COG5: variants seen among roughly 807,000 people sequenced by gnomAD.
COG5 encodes the protein conserved oligomeric Golgi complex subunit 5.
A neutral mutation model predicts 110.4 loss-of-function variants in COG5; 86 were observed. The observed-to-expected ratio is 0.78, with a 90% CI of 0.65 to 0.93. COG5 has a LOEUF of 0.93. Among genes scored for constraint, COG5 ranks in the 40% least tolerant of loss-of-function variants. The probability of loss-of-function intolerance (pLI) is 0.00; values close to 1 mark genes in which losing one functional copy is unlikely to be tolerated. For missense variants in COG5, 1,077 were observed against 987.0 expected (o/e 1.09, Z -1.22); for synonymous variants, 360 against 334.6 (o/e 1.08, Z -0.83).
At position 107,328,465 on chromosome 7, in the gene COG5, T is replaced by C. The variant is rs181244330; in HGVS notation, c.1027-3944A>G. Among the ~76,000 whole-genome samples the C allele has an allele frequency of 4.4e-3, 674 of 152,326 alleles. 4 individuals carry two copies. The highest frequency in any genetic ancestry group is 0.01 in the Middle Eastern group (3 of 294). On this transcript the variant is annotated intron_variant, in intron 10 of 21. Coordinates refer to ENST00000297135, the MANE Select transcript of COG5 (RefSeq NM_006348.5). ...TAAAAAAGAAAGAAATCCTATCATA[T>C]GCTACAATATGAATGAACCTTGAAG...
intron 10 of COG5, among the ~76,000 whole-genome samples, chr7:107,360,035 C>T (rs922649804): frequency 6.6e-5 from 10 of 151,988 alleles, no homozygotes; most frequent in South Asian, 4.2e-4. Flanking sequence ...CTGAGGGCTG[C>T]GCAGATGACA....
intron 6 of COG5, among the ~76,000 whole-genome samples, chr7:107,453,481 T>G (rs148485946): frequency 3.9e-5 from 6 of 152,150 alleles, no homozygotes; most frequent in Non-Finnish European, 8.8e-5. Flanking sequence ...TTTATACTCT[T>G]GTCTCAGCAA....
intron 11 of COG5, among the ~76,000 whole-genome samples, chr7:107,316,119 A>C (rs1383557194): frequency 6.6e-6 from 1 of 152,202 alleles, no homozygotes; most frequent in African/African-American, 2.4e-5. Flanking sequence ...AAAAAATGCA[A>C]ACTACTCTTT....
chr7:107,370,244 C>T (rs576228625), intron 8 of COG5, among the ~76,000 whole-genome samples: 1 of 152,202 alleles, frequency 6.6e-6, no homozygotes, highest in African/African-American at 2.4e-5. Context: ...GCCATTCACT[C>T]TCAGAAACAC....
At chr7:107,406,037 C>T (rs1243994240) in intron 7 of COG5, among the ~76,000 whole-genome samples, 6 of 152,288 alleles carry the variant, frequency 3.9e-5, no homozygotes, top group South Asian at 4.1e-4. Flanking sequence ...TTTGTTACAG[C>T]AACCCAAATG....
At chr7:107,209,525 C>T (rs918530052) in intron 21 of COG5, 3 of 156,032 alleles carry the variant, frequency 1.9e-5, no homozygotes, top group African/African-American at 7.2e-5. Context: ...AGGCATGGGT[C>T]TGGACAAGCT....
intron 5 of COG5, among the ~76,000 whole-genome samples, chr7:107,541,326 G>C: frequency 6.7e-6 from 1 of 149,864 alleles, no homozygotes; most frequent in South Asian, 2.1e-4. Context: ...ACAGAACCCG[G>C]TCTCTACAAA....
In COG5 at chr7:107,226,159, A is replaced by G. The variant is rs143405338; in HGVS notation, c.2168+4456T>C. On this transcript the variant is annotated intron_variant, in intron 19 of 21. Coordinates refer to ENST00000297135, the MANE Select transcript of COG5 (RefSeq NM_006348.5). ...TTTTTCATTTTACCAGATATTAACT[A>G]ATAATATTACTGTTAATGTCTGCAT... Among the ~76,000 whole-genome samples the G allele has an allele frequency of 1.4e-4, 21 of 152,296 alleles. No homozygotes were observed. The East Asian group carries it at 4.1e-3, about 29-fold the overall frequency.
intron 5 of COG5, among the ~76,000 whole-genome samples, chr7:107,542,765 T>A (rs1051903660): frequency 1.3e-5 from 2 of 151,392 alleles, no homozygotes; most frequent in African/African-American, 4.9e-5. Flanking sequence ...AGGTCAGGAG[T>A]TCGAGACCAG....
At chr7:107,206,095 G>A (rs1798759819) in intron 21 of COG5, among the ~76,000 whole-genome samples, 1 of 152,062 alleles carries the variant, frequency 6.6e-6, no homozygotes, top group Non-Finnish European at 1.5e-5. Flanking sequence ...CGAGTAGCTG[G>A]GACTACAGGC....
In COG5 at chr7:107,545,749, C is replaced by T. The variant is rs186040412; in HGVS notation, c.417+2362G>A. ...GAGCAGAGATCAGGCCATTGCACTC[C>T]ACCCTGGGTGAGAGAGTGAGACTCC... On this transcript the variant is annotated intron_variant, in intron 5 of 21. Coordinates refer to ENST00000297135, the MANE Select transcript of COG5 (RefSeq NM_006348.5). Among the ~76,000 whole-genome samples the T allele has an allele frequency of 4.3e-3, 633 of 145,756 alleles. 5 individuals are homozygous for T. The highest frequency in any genetic ancestry group is 0.016 in the African/African-American group (611 of 39,370).
chr7:107,251,834 A>G (rs1802531126), intron 16 of COG5, among the ~76,000 whole-genome samples: 1 of 152,178 alleles, frequency 6.6e-6, no homozygotes, highest in Admixed American at 6.5e-5. Context: ...ATAAACAGAA[A>G]GTATTGAAAC....
rs537943700 is a variant in COG5, at chr7:107,407,841, G to A, written c.669+4661C>T. 2.6e-5 allele frequency among the ~76,000 whole-genome samples: 4 copies of A among 152,154 alleles called. No homozygotes were observed. The East Asian group carries it at 7.7e-4, about 29-fold the overall frequency. On this transcript the variant is annotated intron_variant, in intron 7 of 21. Transcript: ENST00000297135. ...GCTGAACAAACCTGTTATGTTCAGG[G>A]AAACAAGGGACAGCCATAAGTGTCA...
chr7:107,554,035 A>T (rs1488162997), intron 3 of COG5, among the ~76,000 whole-genome samples: 2 of 152,250 alleles, frequency 1.3e-5, no homozygotes, highest in African/African-American at 4.8e-5. Flanking sequence ...CAGTAAAACA[A>T]GGATTTGAAC....
chr7:107,320,303 C>CGA (rs1809146868), intron 11 of COG5, among the ~76,000 whole-genome samples: 1 of 152,120 alleles, frequency 6.6e-6, no homozygotes, highest in South Asian at 2.1e-4. Flanking sequence ...ACTATGTGAG[C>CGA]GATGGCTTAA....
chr7:107,237,967 C>G (rs1034665964), intron 17 of COG5, among the ~76,000 whole-genome samples: 2 of 152,002 alleles, frequency 1.3e-5, no homozygotes, highest in East Asian at 3.9e-4. Flanking sequence ...TGGTGCCAAT[C>G]TATTTCATTT....
At chr7:107,210,992 AAAC>A (rs1799118870) in intron 20 of COG5, 104 bp downstream of exon 20, 6 of 1,318,710 alleles carry the variant, frequency 4.5e-6, no homozygotes, top group Non-Finnish European at 6.5e-6. Flanking sequence ...ATAAGCAACT[AAAC>A]AAAGCAGCAG....
intron 10 of COG5, among the ~76,000 whole-genome samples, chr7:107,337,451 T>C (rs1810800045): frequency 6.6e-6 from 1 of 152,184 alleles, no homozygotes; most frequent in Admixed American, 6.5e-5. Flanking sequence ...GGAATACTAC[T>C]TGGCCACAAA....
Position 107,329,149 on chromosome 7 carries a change from T to C in COG5, c.1027-4628A>G, listed in dbSNP as rs577215785. Among the ~76,000 whole-genome samples, 4 of 152,310 alleles carry C rather than the reference T, an allele frequency of 2.6e-5. No homozygotes were observed. The South Asian group carries it at 6.2e-4, about 24-fold the overall frequency. Reference sequence around the variant, plus strand: ...AAATATATAACATTTCCTGTTGCTTTTGTTTCTCTGAAGAACCCTGATATC... The same window carrying C: ...AAATATATAACATTTCCTGTTGCTTCTGTTTCTCTGAAGAACCCTGATATC... On this transcript the variant is annotated intron_variant, in intron 10 of 21. Coordinates refer to ENST00000297135, the MANE Select transcript of COG5 (RefSeq NM_006348.5).
Sources: allele counts gnomAD v4.1 joint callset (sites outside exome capture counted in the v4.1 genomes callset), GRCh38; gene constraint gnomAD v4.1.1; transcripts MANE v1.5; gene names NCBI Gene and HGNC (gene_info 2026-07-23, HGNC 2026-07-21).